Variants in HAUS8 observed in about 807,000 individuals in gnomAD.
The protein encoded by HAUS8 is HAUS augmin-like complex subunit 8.
Under a neutral mutation model 42.9 loss-of-function variants are expected in HAUS8, and 38 were observed. The ratio of observed to expected loss-of-function variants is 0.89; its 90% confidence interval spans 0.68 to 1.16. The LOEUF (loss-of-function observed/expected upper bound fraction) is 1.16. Ranked by LOEUF, HAUS8 falls within the 50% of genes most tolerant of loss-of-function variation. The pLI, the probability that HAUS8 is intolerant of heterozygous loss-of-function variation, is 0.00. For missense variants in HAUS8, 494 were observed against 511.6 expected (o/e 0.97, Z 0.33); for synonymous variants, 199 against 205.8 (o/e 0.97, Z 0.28).
chr19:17,072,016 T>C (rs2123385253), intron 2 of HAUS8, among the ~76,000 whole-genome samples: 1 of 152,208 alleles, frequency 6.6e-6, no homozygotes, highest in African/African-American at 2.4e-5. Context: ...ATAAACAGGC[T>C]GAATTTTCCA....
At chr19:17,072,704 A>G (rs967247906) in intron 2 of HAUS8, among the ~76,000 whole-genome samples, 4 of 151,666 alleles carry the variant, frequency 2.6e-5, no homozygotes, top group Admixed American at 1.3e-4. Context: ...GCTGGAGTGC[A>G]GTGGTGCGAT....
intron 3 of HAUS8, among the ~76,000 whole-genome samples, chr19:17,067,439 G>A (rs149576983): frequency 7.2e-5 from 11 of 152,152 alleles, no homozygotes; most frequent in African/African-American, 2.2e-4. Context: ...GGGATGACTC[G>A]TTCTGTAGCT....
At chr19:17,060,448 T>C (rs1387227008) in intron 4 of HAUS8, among the ~76,000 whole-genome samples, 3 of 152,186 alleles carry the variant, frequency 2.0e-5, no homozygotes, top group Admixed American at 1.3e-4. Context: ...AGTTTCACTC[T>C]TGTCACCCAG....
intron 3 of HAUS8, among the ~76,000 whole-genome samples, chr19:17,064,880 C>T (rs1490662164): frequency 6.6e-6 from 1 of 152,178 alleles, no homozygotes; most frequent in Non-Finnish European, 1.5e-5. Context: ...TCGTCAACTA[C>T]TGCCTCTTAA....
chr19:17,058,714 A>G lies in HAUS8; in HGVS notation c.487-7T>C. 6.2e-7 allele frequency: 1 copy of G among 1,604,070 alleles called. No individual in the cohort carries two copies. The highest frequency in any genetic ancestry group is 8.5e-7 in the Non-Finnish European group (1 of 1,175,508). ...CAGCAAGATTGTTCTCCATCTGTTA[A>G]ATGTGAAAGAAAAGCTCAAGCAGGT... is the stretch of plus-strand genomic sequence containing the variant. On this transcript the variant is annotated splice_polypyrimidine_tract_variant and splice_region_variant and intron_variant, in intron 7 of 10. Transcript: ENST00000253669.
At chr19:17,068,416 G>A (rs778107443) in intron 3 of HAUS8, among the ~76,000 whole-genome samples, 1 of 152,126 alleles carries the variant, frequency 6.6e-6, no homozygotes, top group Non-Finnish European at 1.5e-5. Context: ...CAAGAACTGT[G>A]TGCTGGGCAC....
intron 10 of HAUS8, chr19:17,052,123 C>T (rs1257832558): frequency 6.7e-6 from 1 of 149,584 alleles, no homozygotes; most frequent in Non-Finnish European, 1.5e-5. Context: ...CTGAGCAACT[C>T]TGTCTCAAAA....
intron 1 of HAUS8, chr19:17,075,122 A>G: frequency 3.8e-6 from 2 of 527,908 alleles, no homozygotes; most frequent in African/African-American, 1.9e-5. Flanking sequence ...CCCATTTCGT[A>G]GCGGAGGAAA....
Position 17,058,755 on chromosome 19 carries a change from G to A in HAUS8, c.487-48C>T, listed in dbSNP as rs200147419. ...TCAAGCAGGTGGGGACTCCCTCCCC[G>A]TGAATGGAGGCCACCCTTCCATCCA... On this transcript the variant is annotated intron_variant, in intron 7 of 10. Transcript: ENST00000253669. The A allele has an allele frequency of 2.5e-4, 402 of 1,604,918 alleles. 3 individuals are homozygous for A. In the South Asian group the frequency reaches 3.7e-3, roughly 15 times the overall value.
chr19:17,072,120 T>C (rs981829292), intron 2 of HAUS8, among the ~76,000 whole-genome samples: 3 of 152,224 alleles, frequency 2.0e-5, no homozygotes, highest in South Asian at 2.1e-4. Flanking sequence ...TAACATGCGA[T>C]GTTTAGAATT....
chr19:17,056,278 C>T (rs2057326057), intron 8 of HAUS8, among the ~76,000 whole-genome samples: 3 of 152,170 alleles, frequency 2.0e-5, no homozygotes, highest in Admixed American at 6.5e-5. Context: ...AGTACTGCGC[C>T]TAAACGCCTG....
At chr19:17,056,888 C>T (rs747480355) in intron 8 of HAUS8, among the ~76,000 whole-genome samples, 11 of 151,974 alleles carry the variant, frequency 7.2e-5, no homozygotes, top group Non-Finnish European at 1.5e-4. Context: ...ACTGCACATA[C>T]ATATTTTTTA....
intron 10 of HAUS8, among the ~76,000 whole-genome samples, chr19:17,051,362 C>T (rs1056666441): frequency 6.4e-5 from 9 of 141,440 alleles, no homozygotes; most frequent in Admixed American, 4.5e-4. Context: ...GAGAAAAGCG[C>T]GTGGTTAGAA....
chr19:17,075,469 C>T (rs757439431), upstream of HAUS8: 8 of 1,609,476 alleles, frequency 5.0e-6, no homozygotes, highest in Non-Finnish European at 5.9e-6. Flanking sequence ...TTTTCAAAGC[C>T]GGACCCGCCC....
chr19:17,050,133 C>A lies in HAUS8; in HGVS notation c.973G>T (p.Glu325Ter). The A allele has an allele frequency of 6.4e-7, 1 of 1,557,654 alleles. No individual in the cohort carries two copies. Among genetic ancestry groups the A allele is most frequent in the Non-Finnish European group, 8.7e-7 (1 of 1,151,284 alleles). ...ACTTCCTGGTTTGCCAAGGCTGCCTCTTTGCTTGCCTCTGCGGAGAGTTCC... is the reference window on the plus strand; with the variant it reads ...ACTTCCTGGTTTGCCAAGGCTGCCTATTTGCTTGCCTCTGCGGAGAGTTCC... ...VLELSAEASKEAALANQEVWE... is the reference protein window; with the variant it reads ...VLELSAEASK The change falls in exon 11 of 11, where the codon GAG becomes TAG. Residue 325 changes from glutamate to a stop codon, truncating the protein, a stop_gained. Coordinates refer to ENST00000253669, the MANE Select transcript of HAUS8 (RefSeq NM_033417.2). LOFTEE classifies it low-confidence loss of function (END_TRUNC).
chr19:17,065,511 G>A (rs192270791), intron 3 of HAUS8, among the ~76,000 whole-genome samples: 78 of 152,164 alleles, frequency 5.1e-4, no homozygotes, highest in African/African-American at 1.8e-3. Flanking sequence ...TGCTTCAATC[G>A]TGCCTAAGTC....
chr19:17,056,660 G>T (rs1196793272), intron 8 of HAUS8, among the ~76,000 whole-genome samples: 1 of 151,880 alleles, frequency 6.6e-6, no homozygotes, highest in South Asian at 2.1e-4. Context: ...GCGCAGTCTC[G>T]GCTCACTGCA....
At chr19:17,058,124 C>T (rs527271690) in intron 8 of HAUS8, among the ~76,000 whole-genome samples, 64 of 152,212 alleles carry the variant, frequency 4.2e-4, no homozygotes, top group Admixed American at 1.4e-3. Context: ...GTGGGGGGTC[C>T]GCCCCTGCCA....
In HAUS8 at chr19:17,062,713, G is replaced by C; in HGVS notation, c.214C>G (p.Leu72Val). Residue 72 changes from leucine to valine, a missense_variant, in exon 4 of 11, where the codon CTC becomes GTC. Coordinates refer to ENST00000253669, the MANE Select transcript of HAUS8 (RefSeq NM_033417.2). ...MSEGGRKSSL[L>V]QKSKADSSGV... is the part of the protein sequence containing the mutation. ...TGTTTCGCACCTTTGCTTTTCTGGA[G>C]CAGGCTGGATTTCCTTCCACCTTCA... 6.2e-7 allele frequency: 1 copy of C among 1,614,108 alleles called. No individual in the cohort carries two copies. The highest frequency in any genetic ancestry group is 8.5e-7 in the Non-Finnish European group (1 of 1,179,952).
Sources: allele counts gnomAD v4.1 joint callset (sites outside exome capture counted in the v4.1 genomes callset), GRCh38; gene constraint gnomAD v4.1.1; transcripts MANE v1.5; gene names NCBI Gene and HGNC (gene_info 2026-07-23, HGNC 2026-07-21).